STAT4: variants seen among roughly 807,000 people sequenced by gnomAD.
STAT4 encodes signal transducer and activator of transcription 4.
STAT4 carries 42 observed loss-of-function variants against 110.5 expected under a neutral mutation model. The ratio of observed to expected loss-of-function variants is 0.38; its 90% CI spans 0.30 to 0.49. The LOEUF is 0.49. STAT4 is among the 20% of genes least tolerant of loss of function. The probability of loss-of-function intolerance (pLI) is 0.95; values close to 1 mark genes in which losing one functional copy is unlikely to be tolerated. For missense variants in STAT4, 632 were observed against 887.9 expected (o/e 0.71, Z 3.66); for synonymous variants, 284 against 302.2 (o/e 0.94, Z 0.63).
At chr2:191,121,928 A>G (rs1426258734) in intron 3 of STAT4, 1 of 152,200 alleles carries the variant, frequency 6.6e-6, no homozygotes, top group Non-Finnish European at 1.5e-5. Flanking sequence ...AACGTATAAT[A>G]CTAATAAAAA....
rs1323168012 is a variant in STAT4 at position 191,142,590 on chromosome 2, T to C, written c.273+4023A>G. The stretch of plus-strand genomic sequence containing the variant: ...CAACAATGTAATGTATATTTCAGAG[T>C]AGCTAGAAGAATGGGTTTGAAATGT... On this transcript the variant is annotated intron_variant, in intron 3 of 23. Transcript: ENST00000392320. The surrounding 1 kb of genome is among the most constrained non-coding windows in gnomAD (Gnocchi z 4.1). 6.6e-6 allele frequency among the ~76,000 whole-genome samples: 1 copy of C among 152,116 alleles called. No homozygotes were observed. The highest frequency in any genetic ancestry group is 1.5e-5 in the Non-Finnish European group (1 of 68,020).
At chr2:191,125,009 T>G (rs962126710) in intron 3 of STAT4, among the ~76,000 whole-genome samples, 11 of 152,242 alleles carry the variant, frequency 7.2e-5, no homozygotes, top group African/African-American at 2.7e-4. Flanking sequence ...TAGGAAGACT[T>G]CTTATTTGTT....
At chr2:191,151,480 G>A (rs1699589208), upstream of STAT4, 3 of 985,424 alleles carry the variant, frequency 3.0e-6, no homozygotes, top group Admixed American at 6.1e-5. The surrounding 1 kb of genome is among the most constrained non-coding windows in gnomAD (Gnocchi z 4.7). Context: ...AGCGGGGTCC[G>A]CTCACTCCGA....
At chr2:191,149,607 C>T (rs972893135) in intron 1 of STAT4, among the ~76,000 whole-genome samples, 9 of 152,104 alleles carry the variant, frequency 5.9e-5, no homozygotes, top group Non-Finnish European at 1.0e-4. Flanking sequence ...GGCGAAATGA[C>T]GCCTGCCTAA....
chr2:191,134,833 T>C (rs1027384668), intron 3 of STAT4, among the ~76,000 whole-genome samples: 3 of 152,076 alleles, frequency 2.0e-5, no homozygotes, highest in African/African-American at 7.2e-5. Context: ...GGATAATCAT[T>C]GCATCAAGGA....
intron 3 of STAT4, among the ~76,000 whole-genome samples, chr2:191,098,918 G>A (rs1559066659): frequency 6.6e-6 from 1 of 151,652 alleles, no homozygotes; most frequent in Non-Finnish European, 1.5e-5. Context: ...AAAGCCTAAA[G>A]ACATATTATA....
At chr2:191,098,587 C>T (rs1262954884) in intron 3 of STAT4, among the ~76,000 whole-genome samples, 2 of 150,376 alleles carry the variant, frequency 1.3e-5, no homozygotes, top group African/African-American at 2.4e-5. Context: ...GGGCGGGGAA[C>T]ATCACACATG....
In STAT4 at chr2:191,082,199, A is replaced by G. The variant is rs1466947787; in HGVS notation, c.274-5874T>C. ...TGAGCATCTTCCTTTCTTACATCCTATAAAGGATTTTATTGTTGCTTTCCA... is the reference window on the plus strand; with the variant it reads ...TGAGCATCTTCCTTTCTTACATCCTGTAAAGGATTTTATTGTTGCTTTCCA... On this transcript the variant is annotated intron_variant, in intron 3 of 23. Transcript: ENST00000392320. The surrounding 1 kb of genome is among the most constrained non-coding windows in gnomAD (Gnocchi z 4.7). Among the ~76,000 whole-genome samples the G allele has an allele frequency of 3.3e-5, 5 of 152,148 alleles. No homozygotes were observed. The highest frequency in any genetic ancestry group is 9.7e-5 in the African/African-American group (4 of 41,418).
Position 191,140,465 on chromosome 2 carries a change from T to C in STAT4, c.273+6148A>G, listed in dbSNP as rs1004688825. Among the ~76,000 whole-genome samples the C allele has an allele frequency of 6.6e-6, 1 of 152,116 alleles. No homozygotes were observed. The highest frequency in any genetic ancestry group is 2.4e-5 in the African/African-American group (1 of 41,448). ...TGAATACACAATTCTCAAAAGAAGA[T>C]ATACAGTCAACAAACATGTAAAAAT... On this transcript the variant is annotated intron_variant, in intron 3 of 23. Coordinates refer to ENST00000392320, the MANE Select transcript of STAT4 (RefSeq NM_003151.4). The surrounding 1 kb of genome is among the most constrained non-coding windows in gnomAD (Gnocchi z 4.4).
At chr2:191,092,818 C>A (rs1697839542) in intron 3 of STAT4, among the ~76,000 whole-genome samples, 1 of 152,148 alleles carries the variant, frequency 6.6e-6, no homozygotes, top group Non-Finnish European at 1.5e-5. Flanking sequence ...CAGACTGTAC[C>A]TGGAAAATTG....
chr2:191,136,684 C>A (rs1436697742), intron 3 of STAT4, among the ~76,000 whole-genome samples: 1 of 151,654 alleles, frequency 6.6e-6, no homozygotes, highest in African/African-American at 2.4e-5. Context: ...CTGGGAGGCG[C>A]AGGTTGCAGT....
In STAT4 at chr2:191,061,755, G is replaced by C; in HGVS notation, c.1008C>G (p.Thr336=). 1.2e-6 allele frequency: 2 copies of C among 1,613,868 alleles called. No homozygotes were observed. The highest frequency in any genetic ancestry group is 8.5e-7 in the Non-Finnish European group (1 of 1,179,902). ...TTAGTTTTACAGTGAACTGAATTAG[G>C]GTTTTAAGTACCAACGGCCTCTGAG... The part of the protein sequence containing the change: ...THPQRPLVLK[T]LIQFTVKLRL... The change falls in exon 10 of 24, where the codon ACC becomes ACG. Residue 336 remains threonine (T), a synonymous_variant. Transcript: ENST00000392320. This position sits in a 1 kb window ranked among gnomAD's most constrained non-coding sequence, Gnocchi z 6.2.
intron 3 of STAT4, among the ~76,000 whole-genome samples, chr2:191,092,825 A>C (rs1574147453): frequency 1.3e-5 from 2 of 152,268 alleles, no homozygotes; most frequent in African/African-American, 4.8e-5. Flanking sequence ...TACCTGGAAA[A>C]TTGGGACACT....
chr2:191,073,976 C>T (rs991579724), intron 4 of STAT4, among the ~76,000 whole-genome samples: 5 of 151,950 alleles, frequency 3.3e-5, no homozygotes, highest in African/African-American at 7.3e-5. Context: ...TGTATAAAAC[C>T]AATATGTGTA....
At position 191,142,312 on chromosome 2, in the gene STAT4, A is replaced by C. The variant is rs1339684337; in HGVS notation, c.273+4301T>G. On this transcript the variant is annotated intron_variant, in intron 3 of 23. Coordinates refer to ENST00000392320, the MANE Select transcript of STAT4 (RefSeq NM_003151.4). The surrounding 1 kb of genome is among the most constrained non-coding windows in gnomAD (Gnocchi z 4.1). ...ATAAAATCATGTCATTTGCAGCAACACGGATCGTACAAGATGTCATTATGT... is the reference window on the plus strand; with the variant it reads ...ATAAAATCATGTCATTTGCAGCAACCCGGATCGTACAAGATGTCATTATGT... 6.6e-6 allele frequency among the ~76,000 whole-genome samples: 1 copy of C among 152,160 alleles called. No individual in the cohort carries two copies. Among genetic ancestry groups the C allele is most frequent in the Non-Finnish European group, 1.5e-5 (1 of 68,018 alleles).
At position 191,050,401 on chromosome 2, in the gene STAT4, T is replaced by C. The variant is rs1011878199; in HGVS notation, c.1251+4089A>G. On this transcript the variant is annotated intron_variant, in intron 14 of 23. Transcript: ENST00000392320. The surrounding 1 kb of genome is among the most constrained non-coding windows in gnomAD (Gnocchi z 4.3). ...AATAGAGTGGAGAGAAAGGCAGTGA[T>C]TGCTAAAGTTGATTTTATGATAGCG... is the stretch of plus-strand genomic sequence containing the variant. Among the ~76,000 whole-genome samples the C allele has an allele frequency of 2.0e-5, 3 of 152,194 alleles. No homozygotes were observed. Among genetic ancestry groups the C allele is most frequent in the Non-Finnish European group, 2.9e-5 (2 of 68,036 alleles).
At chr2:191,092,188 G>T (rs1044121718) in intron 3 of STAT4, among the ~76,000 whole-genome samples, 11 of 152,028 alleles carry the variant, frequency 7.2e-5, no homozygotes, top group African/African-American at 2.7e-4. Flanking sequence ...GGCAGATCAC[G>T]AGGTTGGGAG....
Position 191,033,584 on chromosome 2 carries a change from C to T in STAT4, c.1758G>A (p.Leu586=). The change falls in exon 20 of 24, where the codon TTG becomes TTA. Residue 586 remains leucine, a synonymous_variant. Coordinates refer to ENST00000392320, the MANE Select transcript of STAT4 (RefSeq NM_003151.4). The surrounding 1 kb of genome is among the most constrained non-coding windows in gnomAD (Gnocchi z 6.9). Reference sequence around the variant, plus strand: ...AGGTGCCAGGCATTTTATCCTTTAGCAACAGCCGTTCCTTCTCTTTGCTAA... The same window carrying T: ...AGGTGCCAGGCATTTTATCCTTTAGTAACAGCCGTTCCTTCTCTTTGCTAA... ...GFVSKEKERL[L]LKDKMPGTFL... The T allele has an allele frequency of 6.2e-7, 1 of 1,614,128 alleles. No individual in the cohort carries two copies. Among genetic ancestry groups the T allele is most frequent in the East Asian group, 2.2e-5 (1 of 44,874 alleles).
rs1696943688 is a variant in STAT4 at position 191,064,843 on chromosome 2, C to T, written c.746G>A (p.Gly249Asp). The T allele has an allele frequency of 6.2e-7, 1 of 1,613,232 alleles. No homozygotes were observed. Among genetic ancestry groups the T allele is most frequent in the Non-Finnish European group, 8.5e-7 (1 of 1,179,592 alleles). Residue 249 changes from glycine (G) to aspartate (D), a missense_variant, in exon 8 of 24, where the codon GGT (glycine) becomes GAT (aspartate). Gly to Asp is a moderately conservative substitution (Grantham distance 94). Transcript: ENST00000392320. ...CTGGTCGAGCCCATTGTGGAGTGGA[C>T]CCCCGATGCAGGCGATTTGCTGCCG... is the stretch of plus-strand genomic sequence containing the variant. Reference protein sequence around the residue: ...KRRQQIACIGGPLHNGLDQLQ... With the variant: ...KRRQQIACIGDPLHNGLDQLQ...
Sources: allele counts gnomAD v4.1 joint callset (sites outside exome capture counted in the v4.1 genomes callset), GRCh38; gene constraint gnomAD v4.1.1; non-coding constraint Gnocchi (gnomAD v3.1); transcripts MANE v1.5; gene names NCBI Gene and HGNC (gene_info 2026-07-23, HGNC 2026-07-21).